The following AHNAK variants were observed in gnomAD, a reference collection of about 807,000 sequenced individuals.
AHNAK encodes the protein AHNAK nucleoprotein.
AHNAK carries 23 observed loss-of-function variants against 37.8 expected under a neutral mutation model. The ratio of observed to expected loss-of-function variants is 0.61; its 90% confidence interval spans 0.44 to 0.86. The LOEUF (loss-of-function observed/expected upper bound fraction) is 0.86. Ranked by LOEUF, AHNAK falls within the 40% of genes least tolerant of loss-of-function variation. The probability of loss-of-function intolerance (pLI) is 0.00; values close to 1 mark genes in which losing one functional copy is unlikely to be tolerated. For synonymous variants in AHNAK, 2,481 were observed against 2,636.3 expected (o/e 0.94, Z 1.80); for missense variants, 7,411 against 7,319.4 (o/e 1.01, Z -0.46).
chr11:62,447,063 C>A (rs909899454), intron 5 of AHNAK, among the ~76,000 whole-genome samples: 8 of 152,082 alleles, frequency 5.3e-5, no homozygotes, highest in South Asian at 2.1e-4. Flanking sequence ...ATGGAAACAG[C>A]CCTCTCAAGG....
chr11:62,507,026 C>G (rs776019127), intron 4 of AHNAK, among the ~76,000 whole-genome samples: 3 of 152,140 alleles, frequency 2.0e-5, no homozygotes, highest in Non-Finnish European at 4.4e-5. Context: ...AAACCTCCCA[C>G]GCACACATCT....
intron 5 of AHNAK, among the ~76,000 whole-genome samples, chr11:62,475,794 G>A (rs527405932): frequency 2.6e-4 from 39 of 151,502 alleles, no homozygotes; most frequent in Admixed American, 4.6e-4. Flanking sequence ...TAGTAGAGAC[G>A]AGGTTTCACC....
chr11:62,541,196 C>G (rs765257018), intron 1 of AHNAK, among the ~76,000 whole-genome samples: 4 of 152,196 alleles, frequency 2.6e-5, no homozygotes, highest in Non-Finnish European at 4.4e-5. Flanking sequence ...CCAAATGCAC[C>G]AAACCTGAGG....
chr11:62,466,110 A>T (rs545268132), intron 5 of AHNAK, among the ~76,000 whole-genome samples: 3 of 152,274 alleles, frequency 2.0e-5, no homozygotes, highest in Admixed American at 2.0e-4. Flanking sequence ...ACTCAAGGCC[A>T]GGAGTTCGAG....
At position 62,533,575 on chromosome 11, in the gene AHNAK, G is replaced by A; in HGVS notation, c.842C>T (p.Ser281Leu). Residue 281 changes from serine to leucine, a missense_variant, in exon 5 of 5, where the codon TCA (serine) becomes TTA (leucine). Physicochemically the swap from Ser to Leu is moderately radical, Grantham distance 145 (BLOSUM62 -2). Transcript: ENST00000378024. ...TACTGCCCTACCCCCAAGAGAAGAT[G>A]AAATGTCCACTGCTGGAACTTGGAC... Reference protein sequence around the residue: ...GGVQVPAVDISSSLGGRAVEV... With the variant: ...GGVQVPAVDILSSLGGRAVEV... 6.8e-6 allele frequency: 11 copies of A among 1,614,110 alleles called. No individual in the cohort carries two copies. Among genetic ancestry groups the A allele is most frequent in the Non-Finnish European group, 9.3e-6 (11 of 1,180,018 alleles).
chr11:62,529,786 G>C lies in AHNAK; in HGVS notation c.4631C>G (p.Pro1544Arg), dbSNP rs139574230. Residue 1544 changes from proline to arginine, a missense_variant, in exon 5 of 5, where the codon CCC (proline) becomes CGC (arginine). Coordinates refer to ENST00000378024, the MANE Select transcript of AHNAK (RefSeq NM_001620.3). ...ATCTGGAACATCAATGTCCACCTTG[G>C]GTCCTGAAACACCAAGGTCAGCCTT... ...LPKADLGVSG[P>R]KVDIDVPDVN... The C allele has an allele frequency of 2.5e-4, 411 of 1,614,070 alleles. 1 individual carries two copies. The East Asian group carries it at 9.1e-3, about 36-fold the overall frequency.
intron 5 of AHNAK, among the ~76,000 whole-genome samples, chr11:62,479,471 T>C (rs1388747256): frequency 9.2e-5 from 2 of 21,834 alleles, no homozygotes; most frequent in Non-Finnish European, 8.6e-3. Context: ...CCAGCCCCTT[T>C]TTTTTTTTTA....
chr11:62,470,538 G>A (rs536615744), intron 5 of AHNAK, among the ~76,000 whole-genome samples: 235 of 152,226 alleles, frequency 1.5e-3, no homozygotes, highest in African/African-American at 5.4e-3. Context: ...CCCGGGAGGC[G>A]GAGATTGCAG....
intron 5 of AHNAK, among the ~76,000 whole-genome samples, chr11:62,458,908 C>A (rs1938724907): frequency 1.3e-5 from 2 of 152,184 alleles, no homozygotes; most frequent in Non-Finnish European, 2.9e-5. Flanking sequence ...CACTGCTCTG[C>A]TGGATTCTAT....
Position 62,517,081 on chromosome 11 carries a change from C to T in AHNAK, c.17336G>A (p.Arg5779His), listed in dbSNP as rs370820574. 297 of 1,613,914 alleles carry T rather than the reference C, an allele frequency of 1.8e-4. 1 individual carries two copies. The highest frequency in any genetic ancestry group is 2.3e-4 in the Non-Finnish European group (274 of 1,180,022). Residue 5779 changes from arginine (R) to histidine (H), a missense_variant, in exon 5 of 5, where the codon CGC (arginine) becomes CAC (histidine). Transcript: ENST00000378024. Reference protein sequence around the residue: ...SLFKSKKPRHRSNSFSDEREF... With the variant: ...SLFKSKKPRHHSNSFSDEREF... ...TCTTTCATCACTGAATGAATTTGAG[C>T]GGTGCCGTGGCTTCTTACTTTTAAA...
Position 62,532,876 on chromosome 11 carries a change from A to C in AHNAK, c.1541T>G (p.Leu514Arg), listed in dbSNP as rs771800887. ...AGCAGAAACCTTAATATCTCCTTTC[A>C]GTTTAGGAGACCCAAGGCTCAGATC... ...DVDLSLGSPK[L>R]KGDIKVSAPG... Residue 514 changes from leucine to arginine, a missense_variant, in exon 5 of 5, where the codon CTG becomes CGG. Physicochemically the swap from Leu to Arg is moderately radical, Grantham distance 102. Transcript: ENST00000378024. 1 of 1,614,068 alleles carries C rather than the reference A, an allele frequency of 6.2e-7. No homozygotes were observed. The highest frequency in any genetic ancestry group is 8.5e-7 in the Non-Finnish European group (1 of 1,180,022).
intron 4 of AHNAK, among the ~76,000 whole-genome samples, chr11:62,498,816 T>A (rs191540877): frequency 1.3e-5 from 2 of 151,928 alleles, no homozygotes; most frequent in Non-Finnish European, 2.9e-5. Flanking sequence ...AATAAATAGA[T>A]CTTTGGAAAT....
At chr11:62,488,186 C>A (rs542006512) in intron 5 of AHNAK, among the ~76,000 whole-genome samples, 1 of 152,158 alleles carries the variant, frequency 6.6e-6, no homozygotes, top group Non-Finnish European at 1.5e-5. Context: ...ACATTATGCA[C>A]CCAGTGTACA....
intron 5 of AHNAK, among the ~76,000 whole-genome samples, chr11:62,454,424 AAAAAG>A (rs1233975076): frequency 3.4e-4 from 45 of 132,958 alleles, no homozygotes; most frequent in Admixed American, 6.3e-4. Context: ...AAAAAAAAAA[AAAAAG>A]AAAAGAAAAG....
At position 62,528,290 on chromosome 11, in the gene AHNAK, C is replaced by G. The variant is rs1041680166; in HGVS notation, c.6127G>C (p.Asp2043His). The G allele has an allele frequency of 4.3e-6, 7 of 1,614,048 alleles. No individual in the cohort carries two copies. In the African/African-American group the frequency reaches 8.0e-5, roughly 18 times the overall value. The change falls in exon 5 of 5, where the codon GAC becomes CAC. Residue 2043 changes from aspartate (D) to histidine (H), a missense_variant. Coordinates refer to ENST00000378024, the MANE Select transcript of AHNAK (RefSeq NM_001620.3). ...DAPDVDVHGP[D>H]WHLKMPKMKM... ...ATCTTGGGCATCTTCAGGTGCCAGT[C>G]TGGGCCATGAACATCCACATCTGGG...
chr11:62,480,687 A>G (rs750601996), intron 5 of AHNAK, among the ~76,000 whole-genome samples: 3 of 151,820 alleles, frequency 2.0e-5, no homozygotes, highest in Non-Finnish European at 4.4e-5. Context: ...AGAAAAGAAA[A>G]AAAAGAAAGG....
intron 5 of AHNAK, among the ~76,000 whole-genome samples, chr11:62,443,026 C>T (rs1317791541): frequency 1.3e-5 from 2 of 151,098 alleles, no homozygotes; most frequent in African/African-American, 2.4e-5. Flanking sequence ...GGCTGGAGTG[C>T]GGTGGCGTGA....
chr11:62,458,297 G>A (rs1481380852), intron 5 of AHNAK, among the ~76,000 whole-genome samples: 1 of 152,118 alleles, frequency 6.6e-6, no homozygotes, highest in African/African-American at 2.4e-5. Flanking sequence ...TGTCCACCAA[G>A]AATAAGAACA....
At position 62,527,468 on chromosome 11, in the gene AHNAK, C is replaced by T. The variant is rs1224533219; in HGVS notation, c.6949G>A (p.Val2317Ile). 6.2e-7 allele frequency: 1 copy of T among 1,614,118 alleles called. No individual in the cohort carries two copies. Among genetic ancestry groups the T allele is most frequent in the South Asian group, 1.1e-5 (1 of 91,070 alleles). The change falls in exon 5 of 5, where the codon GTT becomes ATT. Residue 2317 changes from valine (V) to isoleucine (I), a missense_variant. Coordinates refer to ENST00000378024, the MANE Select transcript of AHNAK (RefSeq NM_001620.3). ...TTGGGTCCCTTTAAATTGAAATCAA[C>T]ATCAGGCATGGAGATCTTGGGGGTC... is the stretch of plus-strand genomic sequence containing the variant. ...FKTPKISMPD[V>I]DFNLKGPKIK...
Sources: allele counts gnomAD v4.1 joint callset (sites outside exome capture counted in the v4.1 genomes callset), GRCh38; gene constraint gnomAD v4.1.1; transcripts MANE v1.5; gene names NCBI Gene and HGNC (gene_info 2026-07-23, HGNC 2026-07-21).